The following CFAP36 variants were observed in gnomAD, a reference collection of about 807,000 sequenced individuals.
The protein encoded by CFAP36 is cilia- and flagella-associated protein 36.
Under a neutral mutation model 50.5 loss-of-function variants are expected in CFAP36, and 37 were observed. The ratio of observed to expected loss-of-function variants is 0.73; its 90% CI spans 0.56 to 0.96. CFAP36 has a LOEUF of 0.96. Among genes scored for constraint, CFAP36 ranks in the 50% least tolerant of loss-of-function variants. The probability of loss-of-function intolerance (pLI) is 0.00; values close to 1 mark genes in which losing one functional copy is unlikely to be tolerated. For missense variants in CFAP36, 407 were observed against 396.2 expected, an observed-to-expected ratio of 1.03 and a Z score of -0.23; for synonymous variants, 138 against 128.2, an observed-to-expected ratio of 1.08 and a Z score of -0.52.
Position 55,529,015 on chromosome 2 carries a change from C to A in CFAP36, c.397+23C>A, listed in dbSNP as rs202084302. 2.4e-5 allele frequency: 36 copies of A among 1,525,538 alleles called. 1 individual carries two copies. The Middle Eastern group carries it at 4.3e-3, about 181-fold the overall frequency. The allele number at this position is 1,525,538 out of a possible 1,614,324, so 94.5% of individuals were successfully genotyped here. Reference sequence around the variant, plus strand: ...ATGGTAAAATGTTGAAGTTAGAAATCTAAGTACTAAATGCATTTTTTTTTA... The same window carrying A: ...ATGGTAAAATGTTGAAGTTAGAAATATAAGTACTAAATGCATTTTTTTTTA... On this transcript the variant is annotated intron_variant, in intron 4 of 9. Coordinates refer to ENST00000349456, the MANE Select transcript of CFAP36 (RefSeq NM_080667.7).
In CFAP36 at chr2:55,522,167, G is replaced by C. The variant is rs1684085582; in HGVS notation, c.180+1G>C. ...GATTCATCAGGAATACAAAGAACTA[G>C]TGAGTATTTTTTTTCACTGATTTTT... On this transcript the variant is annotated splice_donor_variant, in intron 2 of 9. Coordinates refer to ENST00000349456, the MANE Select transcript of CFAP36 (RefSeq NM_080667.7). LOFTEE classifies it high-confidence loss of function. 1 of 1,489,184 alleles carries C rather than the reference G, an allele frequency of 6.7e-7. No individual in the cohort carries two copies. Among genetic ancestry groups the C allele is most frequent in the Non-Finnish European group, 9.2e-7 (1 of 1,090,108 alleles). 92.2% of individuals were successfully genotyped at this position (1,489,184 alleles called of 1,614,324 possible).
intron 5 of CFAP36, 139 bp downstream of exon 5, chr2:55,534,099 A>C: frequency 2.0e-6 from 1 of 498,668 alleles, no homozygotes; most frequent in Non-Finnish European, 3.6e-6. Context: ...CTATCAATTT[A>C]TGACTGTGGA....
At position 55,538,993 on chromosome 2, in the gene CFAP36, T is replaced by A. The variant is rs574128067; in HGVS notation, c.640+1408T>A. On this transcript the variant is annotated intron_variant, in intron 7 of 9. Coordinates refer to ENST00000349456, the MANE Select transcript of CFAP36 (RefSeq NM_080667.7). ...AGCTGTTTTAGGTTCACAGTAAAATTGAGCAGAAGGTACAGAGATTTCCCC... is the reference window on the plus strand; with the variant it reads ...AGCTGTTTTAGGTTCACAGTAAAATAGAGCAGAAGGTACAGAGATTTCCCC... 144 of 1,287,070 alleles carry A rather than the reference T, an allele frequency of 1.1e-4. No individual in the cohort carries two copies. In the African/African-American group the frequency reaches 2.0e-3, roughly 18 times the overall value. 79.7% of individuals were successfully genotyped at this position (1,287,070 alleles called of 1,614,324 possible). A position where few individuals can be genotyped will look rare whatever the true frequency, so the allele number is the denominator to read the frequency against.
At chr2:55,528,652 G>A (rs984734861) in intron 3 of CFAP36, among the ~76,000 whole-genome samples, 6 of 152,122 alleles carry the variant, frequency 3.9e-5, no homozygotes, top group African/African-American at 4.8e-5. Flanking sequence ...TGCCTCAGCC[G>A]CCCAAAGTAT....
At chr2:55,527,030 A>AAAT (rs924461819) in intron 3 of CFAP36, among the ~76,000 whole-genome samples, 22 of 152,052 alleles carry the variant, frequency 1.4e-4, no homozygotes, top group Non-Finnish European at 4.4e-5. Flanking sequence ...CCTGTCTCTA[A>AAAT]AATAATAATA....
chr2:55,528,849 T>G (rs759046063), intron 3 of CFAP36, 29 bp from the exon 4 acceptor site: 3 of 1,407,040 alleles, frequency 2.1e-6, no homozygotes, highest in Admixed American at 3.9e-5. Context: ...AACTTGAATC[T>G]TCATTTCACT....
chr2:55,544,491 C>A, intron 9 of CFAP36, 122 bp downstream of exon 9: 1 of 870,390 alleles, frequency 1.1e-6, no homozygotes, highest in Non-Finnish European at 1.7e-6. Flanking sequence ...TAATCACCTC[C>A]TAGTGCAGTA....
At chr2:55,533,703 A>AT (rs1409478546) in intron 4 of CFAP36, among the ~76,000 whole-genome samples, 170 bp from the exon 5 acceptor site, 28 of 122,906 alleles carry the variant, frequency 2.3e-4, no homozygotes, top group Middle Eastern at 4.4e-3. Flanking sequence ...TCAAAAAAAA[A>AT]AAAAAATATA....
intron 7 of CFAP36, among the ~76,000 whole-genome samples, chr2:55,543,450 C>G (rs1001023988): frequency 6.6e-6 from 1 of 151,982 alleles, no homozygotes; most frequent in African/African-American, 2.4e-5. Flanking sequence ...TAATTATAAA[C>G]AAAAATTATT....
At position 55,544,928 on chromosome 2, in the gene CFAP36, A is replaced by G; in HGVS notation, c.949A>G (p.Met317Val). 3 of 1,601,682 alleles carry G rather than the reference A, an allele frequency of 1.9e-6. No individual in the cohort carries two copies. The South Asian group carries it at 3.4e-5, about 18-fold the overall frequency. ...TCAGGAAATGACAGAGAAACCAGAAATGACAGCAGAGGAGAAGCAAACATT... is the reference window on the plus strand; with the variant it reads ...TCAGGAAATGACAGAGAAACCAGAAGTGACAGCAGAGGAGAAGCAAACATT... ...EVEEMTEKPEMTAEEKQTLLK... is the reference protein window; with the variant it reads ...EVEEMTEKPEVTAEEKQTLLK... Residue 317 changes from methionine to valine, a missense_variant, in exon 10 of 10, where the codon ATG (methionine) becomes GTG (valine). Transcript: ENST00000349456.
At chr2:55,542,100 C>G (rs1454577649) in intron 7 of CFAP36, among the ~76,000 whole-genome samples, 1 of 152,106 alleles carries the variant, frequency 6.6e-6, no homozygotes, top group East Asian at 1.9e-4. Context: ...TTTGTCTGTG[C>G]TCTAGTTTGC....
Position 55,522,078 on chromosome 2 carries a change from T to C in CFAP36, c.116-24T>C, listed in dbSNP as rs530070524. 1.3e-5 allele frequency: 16 copies of C among 1,207,454 alleles called. No individual in the cohort carries two copies. In the East Asian group the frequency reaches 1.4e-4, roughly 11 times the overall value. 74.8% of individuals were successfully genotyped at this position (1,207,454 alleles called of 1,614,324 possible). ...ATAAAATGATTTGGTTTTTACACTA[T>C]GTAATATTTTCTTTTAAATTTAGTT... is the stretch of plus-strand genomic sequence containing the variant. On this transcript the variant is annotated intron_variant, in intron 1 of 9. Transcript: ENST00000349456.
At chr2:55,543,914 C>G (rs3816489) in intron 7 of CFAP36, 24 bp from the exon 8 acceptor site, 1,166,798 of 1,582,798 alleles carry the variant, frequency 0.74, 435,195 homozygotes, top group Admixed American at 0.77. Flanking sequence ...ATTCTAATTG[C>G]TCTTATTGTC....
At chr2:55,521,862 G>A (rs1034775554) in intron 1 of CFAP36, among the ~76,000 whole-genome samples, 15 of 151,910 alleles carry the variant, frequency 9.9e-5, no homozygotes, top group South Asian at 4.1e-4. Flanking sequence ...ACTCCTGATC[G>A]TAGGTGATCC....
chr2:55,522,442 G>A (rs1684095578), intron 2 of CFAP36, among the ~76,000 whole-genome samples: 1 of 152,080 alleles, frequency 6.6e-6, no homozygotes, highest in South Asian at 2.1e-4. Flanking sequence ...GACGCATCCA[G>A]GGACATATTA....
At chr2:55,543,160 T>C (rs1684684109) in intron 7 of CFAP36, among the ~76,000 whole-genome samples, 1 of 152,186 alleles carries the variant, frequency 6.6e-6, no homozygotes, top group African/African-American at 2.4e-5. Context: ...TTTTAGATCT[T>C]AGCATCATTT....
At chr2:55,527,030 A>T (rs1223686433) in intron 3 of CFAP36, among the ~76,000 whole-genome samples, 2 of 152,052 alleles carry the variant, frequency 1.3e-5, no homozygotes, top group Non-Finnish European at 2.9e-5. Context: ...CCTGTCTCTA[A>T]AATAATAATA....
chr2:55,522,809 C>T (rs1273214885), intron 2 of CFAP36, among the ~76,000 whole-genome samples: 1 of 152,130 alleles, frequency 6.6e-6, no homozygotes, highest in East Asian at 1.9e-4. Context: ...AAAAATGCCT[C>T]TGGCAGTGGG....
rs1286257378 is a variant in CFAP36 at position 55,528,890 on chromosome 2, C to G, written c.295C>G (p.Pro99Ala). Residue 99 changes from proline to alanine, a missense_variant, in exon 4 of 10, where the codon CCT (proline) becomes GCT (alanine). Transcript: ENST00000349456. ...CTTCTTTCCACAGGCCATTTTGCAA[C>G]CTGTGTTGGCAGCAGAAGATTTTAC... ...KTHTSQAILQ[P>A]VLAAEDFTIF... 6.2e-7 allele frequency: 1 copy of G among 1,600,030 alleles called. No individual in the cohort carries two copies. Among genetic ancestry groups the G allele is most frequent in the Non-Finnish European group, 8.5e-7 (1 of 1,174,420 alleles).
Sources: gnomAD v4.1 joint callset for allele counts (sites outside exome capture counted in the v4.1 genomes callset) on GRCh38, gnomAD v4.1.1 for gene constraint, MANE v1.5 for transcripts, NCBI Gene and HGNC (gene_info 2026-07-23, HGNC 2026-07-21) for gene names.